Variants in TENM1 observed in about 807,000 individuals in gnomAD.
The protein encoded by TENM1 is teneurin-1.
Under a neutral mutation model 174.8 loss-of-function variants are expected in TENM1, and 35 were observed. That is an observed-to-expected ratio of 0.20 (90% CI 0.15 to 0.27). The LOEUF (loss-of-function observed/expected upper bound fraction) is 0.27, where lower values mean the gene tolerates loss of function less well. TENM1 is among the 10% of genes least tolerant of loss of function. The pLI is 1.00. For synonymous variants in TENM1, 781 were observed against 798.7 expected (o/e 0.98, Z 0.37); for missense variants, 1,633 against 2,130.1 (o/e 0.77, Z 4.59).
rs1273993121 is a variant in TENM1, at chrX:124,875,773, G to C, written c.535+18523C>G. On this transcript the variant is annotated intron_variant, in intron 3 of 31. Coordinates refer to ENST00000422452, the Ensembl canonical transcript of TENM1. The stretch of plus-strand genomic sequence containing the variant: ...CACCTTTAGCCTCAGCTACTCCGGA[G>C]GCTAAAGTGGGAGGATCACTTGAGC... Among the ~76,000 whole-genome samples the C allele has an allele frequency of 3.8e-5, 4 of 105,918 alleles. No homozygotes were observed. In the East Asian group the frequency reaches 1.2e-3, roughly 31 times the overall value. The allele number at this position is 105,918 out of a possible 115,157, so 92.0% of individuals were successfully genotyped here.
chrX:124,715,975 A>G (rs1334063492), intron 4 of TENM1, among the ~76,000 whole-genome samples: 1 of 112,249 alleles, frequency 8.9e-6, no homozygotes, highest in Non-Finnish European at 1.9e-5. Flanking sequence ...CTCACTAAAC[A>G]CTTCAGGTTG....
chrX:124,505,262 T>G (rs1016483933), intron 18 of TENM1, among the ~76,000 whole-genome samples: 2 of 112,318 alleles, frequency 1.8e-5, no homozygotes, highest in South Asian at 3.7e-4. Context: ...TAAAGACTCA[T>G]GAAATGCAGA....
chrX:124,464,747 C>A (rs1019158929), intron 22 of TENM1, among the ~76,000 whole-genome samples: 2 of 111,886 alleles, frequency 1.8e-5, no homozygotes, highest in African/African-American at 3.2e-5. Context: ...GAACAAAAAG[C>A]GAAAAATAGT....
At chrX:125,054,219 G>A in the TENM1 span, among the ~76,000 whole-genome samples, 1 of 109,781 alleles carries the variant, frequency 9.1e-6, no homozygotes, top group African/African-American at 3.3e-5. Context: ...TTAAAAGTGG[G>A]TGGCACCTCC....
At chrX:124,411,617 G>A (rs1338734115) in intron 25 of TENM1, among the ~76,000 whole-genome samples, 1 of 111,356 alleles carries the variant, frequency 9.0e-6, no homozygotes, top group Non-Finnish European at 1.9e-5. Context: ...GCAGGGTGGT[G>A]TCTCTGATGC....
chrX:124,650,881 T>TCTGATTA (rs760198550), intron 8 of TENM1, among the ~76,000 whole-genome samples: 44 of 112,102 alleles, frequency 3.9e-4, no homozygotes, highest in Non-Finnish European at 6.9e-4. Context: ...GTATTGACTT[T>TCTGATTA]CTGATTACTT....
the TENM1 span, among the ~76,000 whole-genome samples, chrX:125,038,335 G>C: frequency 3.6e-5 from 4 of 109,750 alleles, no homozygotes; most frequent in African/African-American, 9.9e-5. Context: ...CTGTGACGTC[G>C]GTCAGGTTAC....
upstream of TENM1, chrX:124,963,844 C>A: frequency 1.4e-6 from 1 of 737,975 alleles, no homozygotes; most frequent in Admixed American, 2.8e-5. Context: ...AAAACACAAG[C>A]CTTCTTAGAT....
the TENM1 span, among the ~76,000 whole-genome samples, chrX:125,040,231 A>G: frequency 1.8e-5 from 2 of 111,075 alleles, no homozygotes; most frequent in Non-Finnish European, 3.8e-5. Context: ...TCCCTTGCAT[A>G]GGCCCCTCCT....
chrX:124,569,196 TCAAACAAA>T (rs199921399), intron 11 of TENM1, among the ~76,000 whole-genome samples: 1 of 107,921 alleles, frequency 9.3e-6, no homozygotes, highest in Non-Finnish European at 1.9e-5. Flanking sequence ...AGGCCCTGTC[TCAAACAAA>T]CAAACAAACA....
At chrX:124,517,736 A>G (rs1469791542) in intron 18 of TENM1, among the ~76,000 whole-genome samples, 1 of 109,214 alleles carries the variant, frequency 9.2e-6, no homozygotes, top group Non-Finnish European at 1.9e-5. Context: ...TGGGTGCAGC[A>G]CACCAACATG....
the TENM1 span, among the ~76,000 whole-genome samples, chrX:125,038,632 G>A: frequency 9.0e-6 from 1 of 110,859 alleles, no homozygotes; most frequent in South Asian, 3.8e-4. Context: ...AATCTGTTTT[G>A]AATATGACAT....
At chrX:125,018,537 TTAAAAATTAATTAAAAGC>T in the TENM1 span, among the ~76,000 whole-genome samples, 134 of 111,595 alleles carry the variant, frequency 1.2e-3, no homozygotes, top group African/African-American at 4.2e-3. Flanking sequence ...TTTGAGTAAC[TTAAAAATTAATTAAAAGC>T]TAAAAATTAA....
At chrX:124,975,676 C>T in the TENM1 span, among the ~76,000 whole-genome samples, 3 of 111,555 alleles carry the variant, frequency 2.7e-5, no homozygotes, top group African/African-American at 9.8e-5. Context: ...TTCAATTATG[C>T]TAAAGACTAG....
At chrX:125,078,005 G>A in the TENM1 span, among the ~76,000 whole-genome samples, 1 of 111,634 alleles carries the variant, frequency 9.0e-6, no homozygotes, top group Non-Finnish European at 1.9e-5. Flanking sequence ...AGAACTACAT[G>A]ATCATAACTC....
At chrX:124,588,903 C>T (rs1299776386) in intron 11 of TENM1, among the ~76,000 whole-genome samples, 3 of 109,959 alleles carry the variant, frequency 2.7e-5, no homozygotes, top group African/African-American at 9.9e-5. Context: ...TTTCTCTTGC[C>T]TAATTGCTGT....
chrX:124,722,402 G>A (rs925561114), intron 4 of TENM1, among the ~76,000 whole-genome samples: 1 of 111,500 alleles, frequency 9.0e-6, no homozygotes, highest in African/African-American at 3.3e-5. Flanking sequence ...GCCAGTGATA[G>A]GTGCTTGCCC....
the TENM1 span, among the ~76,000 whole-genome samples, chrX:125,032,623 ACTATCCC>A: frequency 1.8e-5 from 2 of 111,507 alleles, no homozygotes; most frequent in Non-Finnish European, 3.8e-5. Flanking sequence ...CATCCCTTGT[ACTATCCC>A]CCAGACAGTT....
chrX:124,420,616 G>C, exon 25 of TENM1: 1 of 1,211,503 alleles, frequency 8.3e-7, no homozygotes, highest in African/African-American at 1.7e-5. Flanking sequence ...TGTGTAGGTG[G>C]GTTCCATTTA....
Sources: gnomAD v4.1 joint callset for allele counts (sites outside exome capture counted in the v4.1 genomes callset) on GRCh38, gnomAD v4.1.1 for gene constraint, MANE v1.5 for transcripts, NCBI Gene and HGNC (gene_info 2026-07-23, HGNC 2026-07-21) for gene names.